The following PCDHA3 variants were observed in gnomAD, a reference collection of about 807,000 sequenced individuals.
The protein encoded by PCDHA3 is protocadherin alpha 3.
A neutral mutation model predicts 62.2 loss-of-function variants in PCDHA3; 41 were observed. The observed-to-expected ratio is 0.66, with a 90% CI of 0.51 to 0.86. The LOEUF (loss-of-function observed/expected upper bound fraction) is 0.86, where lower values mean the gene tolerates loss of function less well. Ranked by LOEUF, PCDHA3 falls within the 40% of genes least tolerant of loss-of-function variation. PCDHA3 has a pLI of 0.00. For missense variants in PCDHA3, 1,304 were observed against 1,241.2 expected (o/e 1.05, Z -0.76); for synonymous variants, 640 against 555.4 (o/e 1.15, Z -2.14).
chr5:140,916,322 C>T (rs2077526281), intron 1 of PCDHA3, among the ~76,000 whole-genome samples: 1 of 152,066 alleles, frequency 6.6e-6, no homozygotes, highest in Non-Finnish European at 1.5e-5. Context: ...GACAAAGTCC[C>T]CTTTACTTTT....
At chr5:140,855,951 G>A (rs923077189) in intron 1 of PCDHA3, 2 of 1,372,088 alleles carry the variant, frequency 1.5e-6, no homozygotes, top group South Asian at 1.4e-5. Context: ...CAGCCATTTC[G>A]ATAAAAAATA....
At chr5:140,807,965 T>C (rs1764072743) in intron 1 of PCDHA3, 4 of 1,613,838 alleles carry the variant, frequency 2.5e-6, no homozygotes, top group Non-Finnish European at 3.4e-6. Flanking sequence ...TAATGGAACA[T>C]TGGTAATTAA....
At chr5:140,820,494 T>A (rs1766771556) in intron 1 of PCDHA3, among the ~76,000 whole-genome samples, 1 of 151,996 alleles carries the variant, frequency 6.6e-6, no homozygotes, top group Non-Finnish European at 1.5e-5. Flanking sequence ...ATTTAAGGAA[T>A]TTTATGGAGT....
At chr5:140,966,396 C>T (rs770476013) in intron 1 of PCDHA3, 11 of 405,036 alleles carry the variant, frequency 2.7e-5, no homozygotes, top group Admixed American at 4.4e-5. Flanking sequence ...TCCGCCACTT[C>T]GGCGCGGAAT....
intron 1 of PCDHA3, chr5:140,812,811 T>C (rs2126641915): frequency 1.4e-4 from 21 of 152,328 alleles, no homozygotes; most frequent in Admixed American, 1.2e-3. Flanking sequence ...AAGTTTTTAT[T>C]GTGTTGTGTT....
rs2150154867 is a variant in PCDHA3, at chr5:140,828,391, G to T, written c.2394+24800G>T. 5 of 1,614,294 alleles carry T rather than the reference G, an allele frequency of 3.1e-6. No individual in the cohort carries two copies. In the South Asian group the frequency reaches 5.5e-5, roughly 18 times the overall value. ...GCGAGGAGCTGTGCGGGCGGAGCGC[G>T]GAGTGCAGCATCCACCTGGAGGTGA... On this transcript the variant is annotated intron_variant, in intron 1 of 3. Coordinates refer to ENST00000522353, the MANE Select transcript of PCDHA3 (RefSeq NM_018906.3).
chr5:140,851,692 A>T, intron 1 of PCDHA3: 1 of 939,600 alleles, frequency 1.1e-6, no homozygotes, highest in Non-Finnish European at 1.3e-6. Flanking sequence ...TCAGTGATAA[A>T]ATGATCAGCC....
chr5:140,828,617 G>A lies in PCDHA3; in HGVS notation c.2394+25026G>A, dbSNP rs2150157424. On this transcript the variant is annotated intron_variant, in intron 1 of 3. Transcript: ENST00000522353. ...CTTAACCTATAAACTCAGTTCTAGCGAATACTTCGGGCTAGATGTGAAAAT... is the reference window on the plus strand; with the variant it reads ...CTTAACCTATAAACTCAGTTCTAGCAAATACTTCGGGCTAGATGTGAAAAT... 3.1e-6 allele frequency: 5 copies of A among 1,614,158 alleles called. No individual in the cohort carries two copies. In the South Asian group the frequency reaches 5.5e-5, roughly 18 times the overall value.
chr5:140,852,153 T>C, intron 1 of PCDHA3: 1 of 858,712 alleles, frequency 1.2e-6, no homozygotes, highest in Non-Finnish European at 1.4e-6. Context: ...CAGAATGGCC[T>C]TGAGAATAGA....
chr5:140,974,618 T>C (rs781783540), intron 1 of PCDHA3, among the ~76,000 whole-genome samples: 1 of 152,086 alleles, frequency 6.6e-6, no homozygotes, highest in Non-Finnish European at 1.5e-5. Context: ...TTCAAGCGAT[T>C]CTCCTGCCTC....
chr5:140,927,929 C>G (rs762916391), intron 1 of PCDHA3: 1 of 1,614,208 alleles, frequency 6.2e-7, no homozygotes, highest in Non-Finnish European at 8.5e-7. Flanking sequence ...CTGACTCTTT[C>G]GAACCCAGTA....
chr5:140,831,995 T>C (rs1371485520), intron 1 of PCDHA3, among the ~76,000 whole-genome samples: 2 of 152,226 alleles, frequency 1.3e-5, no homozygotes, highest in African/African-American at 4.8e-5. Flanking sequence ...ACGGATTCCA[T>C]ATTGTTTTCA....
intron 1 of PCDHA3, chr5:140,857,440 G>A (rs2044596243): frequency 6.3e-7 from 1 of 1,598,588 alleles, no homozygotes; most frequent in Non-Finnish European, 8.6e-7. Context: ...TGTTCGTGAA[G>A]GAGAACAACC....
chr5:140,986,656 C>T (rs141575317), intron 3 of PCDHA3, among the ~76,000 whole-genome samples: 2 of 152,290 alleles, frequency 1.3e-5, no homozygotes, highest in East Asian at 1.9e-4. Context: ...GTGGGAGATG[C>T]TCACAGTTTT....
At chr5:140,856,204 G>A (rs782220766) in intron 1 of PCDHA3, 2 of 1,598,000 alleles carry the variant, frequency 1.3e-6, no homozygotes, top group African/African-American at 2.7e-5. Flanking sequence ...AGGACCTGGG[G>A]CTGGAGCTGG....
chr5:140,833,169 G>A (rs2150206852), intron 1 of PCDHA3, among the ~76,000 whole-genome samples: 2 of 152,190 alleles, frequency 1.3e-5, no homozygotes, highest in Admixed American at 6.6e-5. Flanking sequence ...AGTATTAACG[G>A]AAGATGACTG....
At chr5:140,836,674 C>CA in intron 1 of PCDHA3, 1 of 1,613,468 alleles carries the variant, frequency 6.2e-7, no homozygotes. Context: ...GGGGAGGGCC[C>CA]ACCCAAGACA....
chr5:141,000,603 T>C (rs1237883625), intron 3 of PCDHA3, among the ~76,000 whole-genome samples: 1 of 150,986 alleles, frequency 6.6e-6, no homozygotes, highest in Admixed American at 6.6e-5. Flanking sequence ...AATTTTTGTA[T>C]TTTTAGTAGA....
At chr5:140,950,746 T>C (rs2094515579) in intron 1 of PCDHA3, among the ~76,000 whole-genome samples, 1 of 152,138 alleles carries the variant, frequency 6.6e-6, no homozygotes, top group Non-Finnish European at 1.5e-5. Context: ...AATTTCTCTC[T>C]ATCCTTTCTG....
Sources: gnomAD v4.1 joint callset for allele counts (sites outside exome capture counted in the v4.1 genomes callset) on GRCh38, gnomAD v4.1.1 for gene constraint, MANE v1.5 for transcripts, NCBI Gene and HGNC (gene_info 2026-07-23, HGNC 2026-07-21) for gene names.